CLSTN2: variants seen among roughly 807,000 people sequenced by gnomAD.
The protein encoded by CLSTN2 is calsyntenin 2.
CLSTN2 carries 48 observed loss-of-function variants against 101.2 expected under a neutral mutation model. The ratio of observed to expected loss-of-function variants is 0.47; its 90% confidence interval spans 0.38 to 0.60. CLSTN2 has a LOEUF of 0.60. Ranked by LOEUF, CLSTN2 falls within the 20% of genes least tolerant of loss-of-function variation. CLSTN2 has a pLI of 0.00. For synonymous variants in CLSTN2, 481 were observed against 463.6 expected (o/e 1.04, Z -0.48); for missense variants, 1,160 against 1,238.2 (o/e 0.94, Z 0.95).
chr3:140,154,424 T>G (rs982991436), intron 1 of CLSTN2, among the ~76,000 whole-genome samples: 3 of 152,076 alleles, frequency 2.0e-5, no homozygotes, highest in Non-Finnish European at 2.9e-5. Flanking sequence ...GAGAAGTACT[T>G]TGGACTTTAT....
intron 1 of CLSTN2, among the ~76,000 whole-genome samples, chr3:140,118,290 T>C (rs1189172132): frequency 1.3e-5 from 2 of 152,148 alleles, no homozygotes; most frequent in Admixed American, 6.5e-5. Flanking sequence ...TGGTACTTGG[T>C]TGTGGCTGCC....
chr3:140,299,735 T>C (rs2087040856), intron 2 of CLSTN2, among the ~76,000 whole-genome samples: 1 of 152,216 alleles, frequency 6.6e-6, no homozygotes, highest in African/African-American at 2.4e-5. Context: ...TTAGCCTCCA[T>C]AGACCATTGC....
At chr3:139,937,562 C>T (rs953999750) in intron 1 of CLSTN2, among the ~76,000 whole-genome samples, 11 of 146,664 alleles carry the variant, frequency 7.5e-5, no homozygotes, top group African/African-American at 2.8e-4. Context: ...CATGGAGAAA[C>T]CCCGTCTCTA....
chr3:140,095,845 G>A (rs997622381), intron 1 of CLSTN2, among the ~76,000 whole-genome samples: 10 of 152,132 alleles, frequency 6.6e-5, no homozygotes, highest in East Asian at 1.9e-4. Context: ...TCCAAACCCC[G>A]TAAATTAGTG....
intron 1 of CLSTN2, among the ~76,000 whole-genome samples, chr3:139,962,442 C>T (rs1361424779): frequency 1.3e-5 from 2 of 152,286 alleles, no homozygotes; most frequent in African/African-American, 2.4e-5. Context: ...CTACTCCCTT[C>T]CAACCTCATT....
chr3:140,457,670 G>A (rs1933437952), intron 6 of CLSTN2, among the ~76,000 whole-genome samples: 1 of 152,236 alleles, frequency 6.6e-6, no homozygotes, highest in Non-Finnish European at 1.5e-5. Flanking sequence ...TGAGAGGCGT[G>A]GAGCGTGGAC....
intron 1 of CLSTN2, among the ~76,000 whole-genome samples, chr3:140,090,211 T>C (rs2008754665): frequency 6.6e-6 from 1 of 151,512 alleles, no homozygotes; most frequent in Non-Finnish European, 1.5e-5. Flanking sequence ...GAAGCATGTC[T>C]CTGCTTGGGG....
rs867368975 is a variant in CLSTN2 at position 140,093,959 on chromosome 3, G to A, written c.110-81992G>A. On this transcript the variant is annotated intron_variant, in intron 1 of 16. Transcript: ENST00000458420. ...CAGAGGTAATATGGGAATGACTAACGTGTTGGAACACTGCCCGGGGGAATC... is the reference window on the plus strand; with the variant it reads ...CAGAGGTAATATGGGAATGACTAACATGTTGGAACACTGCCCGGGGGAATC... Among the ~76,000 whole-genome samples, 9 of 152,314 alleles carry A rather than the reference G, an allele frequency of 5.9e-5. No individual in the cohort carries two copies. In the South Asian group the frequency reaches 8.3e-4, roughly 14 times the overall value.
intron 4 of CLSTN2, among the ~76,000 whole-genome samples, chr3:140,405,408 G>A (rs2088292108): frequency 6.6e-6 from 1 of 152,072 alleles, no homozygotes; most frequent in Non-Finnish European, 1.5e-5. Flanking sequence ...TGTATTTTTA[G>A]TGGAGATGGG....
At chr3:140,169,452 T>G (rs1479155042) in intron 1 of CLSTN2, among the ~76,000 whole-genome samples, 1 of 152,130 alleles carries the variant, frequency 6.6e-6, no homozygotes, top group African/African-American at 2.4e-5. Flanking sequence ...CATTTCCAAT[T>G]TAATATTTTT....
At chr3:140,362,551 G>C (rs115635843) in intron 2 of CLSTN2, among the ~76,000 whole-genome samples, 1 of 152,012 alleles carries the variant, frequency 6.6e-6, no homozygotes, top group Non-Finnish European at 1.5e-5. Context: ...AGAAAAAAAC[G>C]TACAAATCAT....
At chr3:140,389,084 G>A (rs1395910353) in intron 2 of CLSTN2, among the ~76,000 whole-genome samples, 6 of 152,126 alleles carry the variant, frequency 3.9e-5, no homozygotes, top group African/African-American at 1.4e-4. Flanking sequence ...TTGCTAACAT[G>A]TATTATTAAG....
At chr3:140,386,436 G>A (rs1305465656) in intron 2 of CLSTN2, among the ~76,000 whole-genome samples, 1 of 152,202 alleles carries the variant, frequency 6.6e-6, no homozygotes, top group Non-Finnish European at 1.5e-5. Flanking sequence ...GGGGCTGTAA[G>A]CAGATGAAAT....
At chr3:140,324,676 C>A (rs1226749243) in intron 2 of CLSTN2, among the ~76,000 whole-genome samples, 1 of 152,158 alleles carries the variant, frequency 6.6e-6, no homozygotes, top group Non-Finnish European at 1.5e-5. Context: ...AGCCTGATTG[C>A]AGAGAATGCC....
intron 2 of CLSTN2, among the ~76,000 whole-genome samples, chr3:140,298,300 A>G (rs999735703): frequency 1.2e-4 from 18 of 152,234 alleles, no homozygotes; most frequent in African/African-American, 4.3e-4. Flanking sequence ...TACATGTAAT[A>G]GTTCATTTAC....
intron 8 of CLSTN2, among the ~76,000 whole-genome samples, chr3:140,528,524 G>A (rs185391254): frequency 1.1e-4 from 16 of 152,100 alleles, no homozygotes; most frequent in African/African-American, 3.6e-4. Flanking sequence ...CTCCATAAAG[G>A]CGGGTGCTTT....
intron 2 of CLSTN2, among the ~76,000 whole-genome samples, chr3:140,272,551 A>C (rs956932575): frequency 6.6e-5 from 10 of 152,316 alleles, no homozygotes; most frequent in Non-Finnish European, 1.3e-4. Flanking sequence ...GGAGTTCGAG[A>C]CCAGCCTGGC....
intron 1 of CLSTN2, among the ~76,000 whole-genome samples, chr3:139,983,734 G>A (rs111688609): frequency 4.0e-5 from 6 of 151,406 alleles, no homozygotes; most frequent in African/African-American, 1.2e-4. Flanking sequence ...TGTAGTTTTA[G>A]CATTTAAAAA....
chr3:140,455,919 C>T (rs944163028), intron 6 of CLSTN2, among the ~76,000 whole-genome samples: 23 of 152,182 alleles, frequency 1.5e-4, no homozygotes, highest in Non-Finnish European at 2.1e-4. Flanking sequence ...GAGAAAGTGG[C>T]CTGCCGCTCC....
Sources: gnomAD v4.1 joint callset for allele counts (sites outside exome capture counted in the v4.1 genomes callset) on GRCh38, gnomAD v4.1.1 for gene constraint, MANE v1.5 for transcripts, NCBI Gene and HGNC (gene_info 2026-07-23, HGNC 2026-07-21) for gene names.